The following MCC variants were observed in gnomAD, a reference collection of about 807,000 sequenced individuals.
The protein encoded by MCC is MCC regulator of Wnt signaling pathway, also known as colorectal mutant cancer protein.
Under a neutral mutation model 116.2 loss-of-function variants are expected in MCC, and 90 were observed. The ratio of observed to expected loss-of-function variants is 0.77; its 90% CI spans 0.65 to 0.92. The LOEUF is 0.92. MCC is among the 40% of genes least tolerant of loss of function. The pLI is 0.00. For missense variants in MCC, 1,516 were observed against 1,312.2 expected, an observed-to-expected ratio of 1.16 and a Z score of -2.40; for synonymous variants, 578 against 510.5, an observed-to-expected ratio of 1.13 and a Z score of -1.78.
At chr5:113,248,236 A>T (rs1251955230) in intron 3 of MCC, among the ~76,000 whole-genome samples, 48 of 39,220 alleles carry the variant, frequency 1.2e-3, no homozygotes, top group African/African-American at 3.3e-3. Context: ...GTATCTATTT[A>T]AAAAAAAAAA....
In MCC at chr5:113,025,864, C is replaced by A. The variant is rs1750510098; in HGVS notation, c.*1438G>T. 6.6e-6 allele frequency: 1 copy of A among 152,128 alleles called. No homozygotes were observed. Among genetic ancestry groups the A allele is most frequent in the Non-Finnish European group, 1.5e-5 (1 of 68,036 alleles). 9.4% of individuals were successfully genotyped at this position (152,128 alleles called of 1,614,324 possible). On this transcript the variant is annotated 3_prime_UTR_variant, in exon 19 of 19. Transcript: ENST00000408903. ...ATTTGTATCATGCTCTGAAAATAGACCTACCCGTAGCTTATGGACATAAAG... is the reference window on the plus strand; with the variant it reads ...ATTTGTATCATGCTCTGAAAATAGAACTACCCGTAGCTTATGGACATAAAG...
At position 113,488,313 on chromosome 5, in the gene MCC, G is replaced by A. The variant is rs1772606433; in HGVS notation, c.102C>T (p.Thr34=). The A allele has an allele frequency of 6.3e-7, 1 of 1,575,926 alleles. No homozygotes were observed. Among genetic ancestry groups the A allele is most frequent in the Non-Finnish European group, 8.6e-7 (1 of 1,164,958 alleles). The stretch of plus-strand genomic sequence containing the variant: ...GGCGCCGCATCCTCTCCTCCTCGCC[G>A]GTGCTGGACGTGTCGCTGCTGCTGC... ...SSSSSSDTSS[T]GEEERMRRLF... Residue 34 remains threonine, a synonymous_variant, in exon 1 of 19, where the codon ACC becomes ACT. Coordinates refer to ENST00000408903, the MANE Select transcript of MCC (RefSeq NM_001085377.2).
intron 3 of MCC, among the ~76,000 whole-genome samples, chr5:113,333,955 ATTAC>A (rs1029355439): frequency 7.0e-6 from 1 of 142,986 alleles, no homozygotes; most frequent in African/African-American, 2.6e-5. Flanking sequence ...GAGACAAATG[ATTAC>A]TTTTACTTTT....
chr5:113,385,357 A>T, intron 1 of MCC, 145 bp from the exon 2 acceptor site: 2 of 898,624 alleles, frequency 2.2e-6, no homozygotes, highest in East Asian at 5.3e-5. Flanking sequence ...TAGAAAAGTG[A>T]TAAGTGTATG....
At chr5:113,065,479 C>A (rs1365924355) in intron 13 of MCC, among the ~76,000 whole-genome samples, 1 of 152,194 alleles carries the variant, frequency 6.6e-6, no homozygotes, top group East Asian at 1.9e-4. Context: ...TAAATGAAAT[C>A]TTACACCAAA....
chr5:113,308,174 A>G (rs1488130060), intron 3 of MCC, among the ~76,000 whole-genome samples: 2 of 152,054 alleles, frequency 1.3e-5, no homozygotes, highest in Admixed American at 6.6e-5. Flanking sequence ...AGGTCTTGCA[A>G]TGTTGCCCAG....
chr5:113,099,060 A>G (rs1277216363), intron 8 of MCC, among the ~76,000 whole-genome samples: 2 of 152,144 alleles, frequency 1.3e-5, no homozygotes, highest in African/African-American at 4.8e-5. Flanking sequence ...GGCTGGAAGA[A>G]GACTTTTGGC....
chr5:113,306,513 G>A (rs544948314), intron 3 of MCC, among the ~76,000 whole-genome samples: 1 of 152,196 alleles, frequency 6.6e-6, no homozygotes, highest in Admixed American at 6.5e-5. Flanking sequence ...TAGGCCATTT[G>A]TATATCTTCT....
At chr5:113,200,222 G>C (rs761879691) in intron 3 of MCC, among the ~76,000 whole-genome samples, 3 of 152,142 alleles carry the variant, frequency 2.0e-5, no homozygotes, top group Admixed American at 6.5e-5. Context: ...AAAAATAAAA[G>C]GGAGCTGGAA....
chr5:113,359,286 T>C (rs1410989752), intron 2 of MCC, among the ~76,000 whole-genome samples: 1 of 152,174 alleles, frequency 6.6e-6, no homozygotes, highest in African/African-American at 2.4e-5. Flanking sequence ...TGACAGGTGC[T>C]AAGAAAGAAA....
intron 3 of MCC, among the ~76,000 whole-genome samples, chr5:113,306,289 G>C (rs1766983067): frequency 6.6e-6 from 1 of 152,120 alleles, no homozygotes; most frequent in African/African-American, 2.4e-5. Context: ...GAATTGCTTG[G>C]TAATAGGGCA....
At chr5:113,100,464 CTTTTTTTTTTTTTTTT>C (rs10649958) in intron 8 of MCC, among the ~76,000 whole-genome samples, 6 of 78,810 alleles carry the variant, frequency 7.6e-5, no homozygotes, top group East Asian at 4.8e-4. Context: ...GTATTTTTCC[CTTTTTTTTTTTTTTTT>C]TTTTTTTTGG....
intron 15 of MCC, among the ~76,000 whole-genome samples, chr5:113,049,952 G>C (rs990604506): frequency 5.9e-5 from 9 of 152,212 alleles, no homozygotes; most frequent in Non-Finnish European, 2.9e-5. Context: ...ACTCAAATGA[G>C]AGCGATGAGT....
At chr5:113,154,144 G>A (rs1014684855) in intron 3 of MCC, among the ~76,000 whole-genome samples, 7 of 152,166 alleles carry the variant, frequency 4.6e-5, no homozygotes, top group Non-Finnish European at 7.4e-5. Context: ...TGTTTAATGA[G>A]CATTTTTTCC....
chr5:113,402,691 T>C (rs2150399433), intron 1 of MCC, among the ~76,000 whole-genome samples: 1 of 152,262 alleles, frequency 6.6e-6, no homozygotes, highest in South Asian at 2.1e-4. Context: ...ATAATCAAAA[T>C]ATTATAGCAC....
chr5:113,259,580 G>T (rs1322955910), intron 3 of MCC, among the ~76,000 whole-genome samples: 3 of 152,162 alleles, frequency 2.0e-5, no homozygotes, highest in African/African-American at 7.2e-5. Flanking sequence ...ATATAGCTGT[G>T]AAGTCTACTT....
At chr5:113,275,145 A>G (rs1765775771) in intron 3 of MCC, among the ~76,000 whole-genome samples, 1 of 152,164 alleles carries the variant, frequency 6.6e-6, no homozygotes, top group South Asian at 2.1e-4. Flanking sequence ...TGGATTAATG[A>G]GCTCCTTAAA....
chr5:113,226,388 T>C (rs1236861195), intron 3 of MCC, among the ~76,000 whole-genome samples: 1 of 152,214 alleles, frequency 6.6e-6, no homozygotes, highest in African/African-American at 2.4e-5. Flanking sequence ...AGATTTTAGT[T>C]TGCAGTCAAC....
At chr5:113,425,541 T>C (rs1486892958) in intron 1 of MCC, among the ~76,000 whole-genome samples, 1 of 152,192 alleles carries the variant, frequency 6.6e-6, no homozygotes, top group Non-Finnish European at 1.5e-5. Context: ...TAATCAAACA[T>C]TATGATTAGG....
Sources: allele counts gnomAD v4.1 joint callset (sites outside exome capture counted in the v4.1 genomes callset), GRCh38; gene constraint gnomAD v4.1.1; transcripts MANE v1.5; gene names NCBI Gene and HGNC (gene_info 2026-07-23, HGNC 2026-07-21).